GABRA5: variants seen among roughly 807,000 people sequenced by gnomAD.
GABRA5 encodes gamma-aminobutyric acid type A receptor subunit alpha5, also known as gamma-aminobutyric acid receptor subunit alpha-5.
A neutral mutation model predicts 47.3 loss-of-function variants in GABRA5; 18 were observed. That is an observed-to-expected ratio of 0.38 (90% confidence interval 0.26 to 0.56). GABRA5 has a LOEUF of 0.56. GABRA5 is among the 20% of genes least tolerant of loss of function. The pLI is 0.71. For synonymous variants in GABRA5, 237 were observed against 229.3 expected (o/e 1.03, Z -0.30); for missense variants, 365 against 599.3 (o/e 0.61, Z 4.08).
At chr15:26,907,433 C>T (rs8032064) in intron 6 of GABRA5, among the ~76,000 whole-genome samples, 68,405 of 152,008 alleles carry the variant, frequency 0.45, 16,319 homozygotes, top group Middle Eastern at 0.55. Context: ...ATTCCTGCCC[C>T]GCAGCAGGAC....
rs113794529 is a variant in GABRA5 at position 26,926,982 on chromosome 15, C to G, written c.581-10203C>G. 3.9e-5 allele frequency among the ~76,000 whole-genome samples: 6 copies of G among 152,156 alleles called. No homozygotes were observed. The South Asian group carries it at 1.2e-3, about 32-fold the overall frequency. ...TCATTCAGTGAAAGCTCTTCACTTTCTATATTCAGTCAAATAAAATAAGAT... is the reference window on the plus strand; with the variant it reads ...TCATTCAGTGAAAGCTCTTCACTTTGTATATTCAGTCAAATAAAATAAGAT... On this transcript the variant is annotated intron_variant, in intron 7 of 10. Coordinates refer to ENST00000335625, the MANE Select transcript of GABRA5 (RefSeq NM_000810.4).
chr15:26,925,067 C>T (rs1893928818), intron 7 of GABRA5, among the ~76,000 whole-genome samples: 8 of 151,908 alleles, frequency 5.3e-5, no homozygotes, highest in Admixed American at 5.2e-4. Flanking sequence ...GAGGAAAATG[C>T]ATTTTCATCT....
chr15:26,943,573 T>G (rs1324515607), intron 10 of GABRA5, 147 bp downstream of exon 10: 4 of 717,320 alleles, frequency 5.6e-6, no homozygotes, highest in Non-Finnish European at 9.4e-6. Flanking sequence ...CCTTACCAAG[T>G]CTTACTGACA....
In GABRA5 at chr15:26,867,176, G is replaced by GGGCGC. The variant is rs1399866734; in HGVS notation, c.-140+73_-140+77dup. 1 of 148,942 alleles carries GGGCGC rather than the reference G, an allele frequency of 6.7e-6. No individual in the cohort carries two copies. Among genetic ancestry groups the GGGCGC allele is most frequent in the Non-Finnish European group, 1.5e-5 (1 of 66,678 alleles). 9.2% of individuals were successfully genotyped at this position (148,942 alleles called of 1,614,324 possible). ...TCTGCGGCGGGCGGCGCGCGGCCCGGGGCGCGGCGCGGAGCGGAGCTGCAG... is the reference window on the plus strand; with the variant it reads ...TCTGCGGCGGGCGGCGCGCGGCCCGGGGCGCGGCGCGGCGCGGAGCGGAGCTGCAG... On this transcript the variant is annotated intron_variant, in intron 1 of 10. Coordinates refer to ENST00000335625, the MANE Select transcript of GABRA5 (RefSeq NM_000810.4). The surrounding 1 kb of genome is among the most constrained non-coding windows in gnomAD (Gnocchi z 5.9).
At chr15:26,887,750 T>G (rs1410201963) in intron 6 of GABRA5, among the ~76,000 whole-genome samples, 1 of 152,200 alleles carries the variant, frequency 6.6e-6, no homozygotes, top group Non-Finnish European at 1.5e-5. Context: ...TTATTGTACT[T>G]AAATATATAT....
chr15:26,938,767 T>C (rs942970174), intron 8 of GABRA5, among the ~76,000 whole-genome samples: 4 of 152,226 alleles, frequency 2.6e-5, no homozygotes, highest in African/African-American at 4.8e-5. Context: ...ACTGCTGAGA[T>C]TGTTGGCTCC....
At chr15:26,944,186 T>C (rs75656709) in intron 10 of GABRA5, among the ~76,000 whole-genome samples, 2,740 of 152,226 alleles carry the variant, frequency 0.018, 87 homozygotes, top group African/African-American at 0.063. Flanking sequence ...TGGAAGGCAT[T>C]AGAGAGGCCT....
chr15:26,919,570 T>C (rs1893795513), intron 7 of GABRA5, among the ~76,000 whole-genome samples: 1 of 152,190 alleles, frequency 6.6e-6, no homozygotes. Flanking sequence ...ATCATTAACA[T>C]TTTTAGTTGT....
chr15:26,936,923 C>T (rs1366036396), intron 7 of GABRA5, among the ~76,000 whole-genome samples: 1 of 152,186 alleles, frequency 6.6e-6, no homozygotes, highest in Non-Finnish European at 1.5e-5. Context: ...CCTCCTGCAC[C>T]ATCGTGCGCT....
chr15:26,894,289 G>A (rs915077246), intron 6 of GABRA5, among the ~76,000 whole-genome samples: 4 of 152,164 alleles, frequency 2.6e-5, no homozygotes, highest in Admixed American at 2.0e-4. Flanking sequence ...GGCTAGCAAC[G>A]CAAACCTCGA....
intron 7 of GABRA5, among the ~76,000 whole-genome samples, chr15:26,920,640 C>G (rs1049515167): frequency 6.6e-6 from 1 of 152,100 alleles, no homozygotes; most frequent in Admixed American, 6.6e-5. Flanking sequence ...CCCTGTTCCT[C>G]ATTTCTTTAT....
chr15:26,895,826 A>AAAGAAGAAG (rs1220412711), intron 6 of GABRA5, among the ~76,000 whole-genome samples: 12 of 136,036 alleles, frequency 8.8e-5, no homozygotes, highest in Non-Finnish European at 1.1e-4. Flanking sequence ...AAAAAAAAAA[A>AAAGAAGAAG]AAGAAGAAGA....
intron 6 of GABRA5, among the ~76,000 whole-genome samples, chr15:26,889,543 A>G (rs530245735): frequency 1.3e-5 from 2 of 152,338 alleles, no homozygotes; most frequent in Middle Eastern, 3.4e-3. Flanking sequence ...GGTAGTCAAT[A>G]TCAAATAGCA....
intron 7 of GABRA5, among the ~76,000 whole-genome samples, chr15:26,918,646 T>G (rs768773700): frequency 5.9e-5 from 9 of 152,230 alleles, no homozygotes; most frequent in Non-Finnish European, 1.5e-5. Flanking sequence ...GGTGCATATT[T>G]ACTTATAATT....
At chr15:26,887,841 G>A (rs1379770489) in intron 6 of GABRA5, among the ~76,000 whole-genome samples, 2 of 152,128 alleles carry the variant, frequency 1.3e-5, no homozygotes, top group Non-Finnish European at 2.9e-5. Flanking sequence ...CGTGTATTCA[G>A]TGTATAATGA....
Position 26,883,822 on chromosome 15 carries a change from C to G in GABRA5, c.497+265C>G, listed in dbSNP as rs185545420. Reference sequence around the variant, plus strand: ...TCAAGAGCATCTTTGGAACCATGGCCCATATAATGTCGGATAGGGAAAAAT... The same window carrying G: ...TCAAGAGCATCTTTGGAACCATGGCGCATATAATGTCGGATAGGGAAAAAT... On this transcript the variant is annotated intron_variant, in intron 6 of 10. Coordinates refer to ENST00000335625, the MANE Select transcript of GABRA5 (RefSeq NM_000810.4). This position sits in a 1 kb window ranked among gnomAD's most constrained non-coding sequence, Gnocchi z 4.8. Among the ~76,000 whole-genome samples the G allele has an allele frequency of 6.6e-6, 1 of 152,082 alleles. No homozygotes were observed. The highest frequency in any genetic ancestry group is 1.5e-5 in the Non-Finnish European group (1 of 68,012).
At chr15:26,938,237 G>A (rs1323970927) in intron 8 of GABRA5, among the ~76,000 whole-genome samples, 1 of 152,190 alleles carries the variant, frequency 6.6e-6, no homozygotes, top group Non-Finnish European at 1.5e-5. Flanking sequence ...CATCCCTGGG[G>A]GATATGAGAG....
chr15:26,939,193 G>A, intron 8 of GABRA5: 1 of 760,980 alleles, frequency 1.3e-6, no homozygotes, highest in Non-Finnish European at 2.4e-6. Context: ...TGGCCCAGCG[G>A]GCCTCACACT....
chr15:26,894,926 G>T (rs1329907239), intron 6 of GABRA5, among the ~76,000 whole-genome samples: 1 of 151,668 alleles, frequency 6.6e-6, no homozygotes, highest in African/African-American at 2.4e-5. Context: ...TTCTGACATG[G>T]TTTAAAACAC....
Sources: gnomAD v4.1 joint callset for allele counts (sites outside exome capture counted in the v4.1 genomes callset) on GRCh38, gnomAD v4.1.1 for gene constraint, Gnocchi (gnomAD v3.1) non-coding constraint, MANE v1.5 for transcripts, NCBI Gene and HGNC (gene_info 2026-07-23, HGNC 2026-07-21) for gene names.